RIMKLB: variants seen among roughly 807,000 people sequenced by gnomAD.
RIMKLB encodes ribosomal modification protein rimK like family member B, also known as beta-citrylglutamate synthase B.
Under a neutral mutation model 32.0 loss-of-function variants are expected in RIMKLB, and 7 were observed. That is an observed-to-expected ratio of 0.22 (90% CI 0.12 to 0.41). The LOEUF (loss-of-function observed/expected upper bound fraction) is 0.41. RIMKLB is among the 10% of genes least tolerant of loss of function. The pLI, the probability that RIMKLB is intolerant of heterozygous loss-of-function variation, is 1.00. For missense variants in RIMKLB, 289 were observed against 498.7 expected (o/e 0.58, Z 4.00); for synonymous variants, 172 against 185.1 (o/e 0.93, Z 0.57).
intron 5 of RIMKLB, among the ~76,000 whole-genome samples, chr12:8,768,515 T>C (rs1950156199): frequency 1.3e-5 from 2 of 152,232 alleles, no homozygotes; most frequent in South Asian, 4.1e-4. Flanking sequence ...ATATTATTAT[T>C]TTTAAAAAAC....
At chr12:8,749,732 C>G (rs1022169442) in intron 2 of RIMKLB, 130 bp from the exon 3 acceptor site, 1 of 633,094 alleles carries the variant, frequency 1.6e-6, no homozygotes, top group African/African-American at 1.8e-5. Flanking sequence ...TTAGGAGTAT[C>G]TCTATCCCAA....
At chr12:8,694,726 G>A (rs1349947099), upstream of RIMKLB, among the ~76,000 whole-genome samples, 1 of 152,156 alleles carries the variant, frequency 6.6e-6, no homozygotes, top group African/African-American at 2.4e-5. Context: ...CTAGGAATAA[G>A]AGCAAAAATC....
chr12:8,668,984 A>T, the RIMKLB span: 4 of 149,940 alleles, frequency 2.7e-5, no homozygotes, highest in East Asian at 7.8e-4. Flanking sequence ...ATATAAATTT[A>T]ATATATATAT....
intron 1 of RIMKLB, among the ~76,000 whole-genome samples, chr12:8,686,635 A>G (rs1036248974): frequency 2.0e-5 from 3 of 150,110 alleles, no homozygotes; most frequent in African/African-American, 5.0e-5. Flanking sequence ...GCCCGCCACC[A>G]CGCCCGGCTA....
At chr12:8,712,528 C>G (rs1357516566) in intron 1 of RIMKLB, among the ~76,000 whole-genome samples, 1 of 152,234 alleles carries the variant, frequency 6.6e-6, no homozygotes, top group Admixed American at 6.5e-5. Flanking sequence ...AGCTGAGTTA[C>G]TACCATAATC....
At chr12:8,713,617 T>G (rs771695629) in intron 1 of RIMKLB, 194 bp from the exon 2 acceptor site, 7 of 439,630 alleles carry the variant, frequency 1.6e-5, no homozygotes, top group African/African-American at 1.4e-4. Context: ...AAATCATATT[T>G]CTGAAGAGGT....
chr12:8,696,565 G>A (rs7299203), upstream of RIMKLB, among the ~76,000 whole-genome samples: 34,648 of 152,072 alleles, frequency 0.23, 4,168 homozygotes, highest in Non-Finnish European at 0.26. Context: ...TGAAGTAGGT[G>A]ACTATTTTTA....
Position 8,775,568 on chromosome 12 carries a change from A to AC in RIMKLB, c.*1785dup. On this transcript the variant is annotated 3_prime_UTR_variant, in exon 6 of 6. Coordinates refer to ENST00000535829, the MANE Select transcript of RIMKLB (RefSeq NM_001297776.2). ...ATGGACCTTAAACATAATTTCTTGG[A>AC]CACTACTAGAGAGACTTCGAGGCAA... 2 of 985,756 alleles carry AC rather than the reference A, an allele frequency of 2.0e-6. No homozygotes were observed. Among genetic ancestry groups the AC allele is most frequent in the South Asian group, 9.4e-5 (2 of 21,274 alleles). 61.1% of individuals were successfully genotyped at this position (985,756 alleles called of 1,614,324 possible).
intron 2 of RIMKLB, among the ~76,000 whole-genome samples, chr12:8,734,292 G>A (rs922192359): frequency 6.6e-6 from 1 of 152,184 alleles, no homozygotes; most frequent in African/African-American, 2.4e-5. Flanking sequence ...AACTAGGGGA[G>A]CAGTTCAAAG....
intron 2 of RIMKLB, among the ~76,000 whole-genome samples, chr12:8,748,336 T>C (rs1948289839): frequency 6.6e-6 from 1 of 152,168 alleles, no homozygotes; most frequent in African/African-American, 2.4e-5. Flanking sequence ...GTAATTGTTA[T>C]AATTGTCCAG....
intron 2 of RIMKLB, among the ~76,000 whole-genome samples, chr12:8,726,349 G>C (rs1946004103): frequency 6.6e-6 from 1 of 152,140 alleles, no homozygotes. Context: ...TATCTTCTTT[G>C]GTGTGGTGTC....
At chr12:8,739,922 T>A (rs1439191918) in intron 2 of RIMKLB, among the ~76,000 whole-genome samples, 5 of 152,206 alleles carry the variant, frequency 3.3e-5, no homozygotes, top group Non-Finnish European at 5.9e-5. Context: ...TTCTCTTTTT[T>A]TCCCAGACAG....
intron 5 of RIMKLB, among the ~76,000 whole-genome samples, chr12:8,765,733 C>A (rs1181289507): frequency 6.6e-6 from 1 of 152,040 alleles, no homozygotes; most frequent in African/African-American, 2.4e-5. Context: ...TGTCTATCTC[C>A]TTTTGGGTCC....
chr12:8,771,980 C>T (rs748034458), intron 5 of RIMKLB, among the ~76,000 whole-genome samples: 5 of 152,168 alleles, frequency 3.3e-5, no homozygotes, highest in Non-Finnish European at 7.4e-5. Context: ...CTTCCACCTC[C>T]TGGGTTCAAG....
upstream of RIMKLB, among the ~76,000 whole-genome samples, chr12:8,693,068 G>A (rs752154120): frequency 5.3e-4 from 81 of 152,150 alleles, no homozygotes; most frequent in Non-Finnish European, 7.6e-4. Context: ...TCAAATCCCC[G>A]CTAGTTTCCT....
chr12:8,692,724 G>C (rs1000945326), upstream of RIMKLB, among the ~76,000 whole-genome samples: 1 of 152,198 alleles, frequency 6.6e-6, no homozygotes, highest in Non-Finnish European at 1.5e-5. Context: ...GATGGAGCAG[G>C]GAAAAGGAGG....
chr12:8,676,101 C>T, the RIMKLB span, among the ~76,000 whole-genome samples: 1 of 152,052 alleles, frequency 6.6e-6, no homozygotes, highest in Non-Finnish European at 1.5e-5. Context: ...GAGACAGGGT[C>T]TCACTTTGTC....
At position 8,713,789 on chromosome 12, in the gene RIMKLB, G is replaced by A. The variant is rs770237473; in HGVS notation, c.-56-22G>A. On this transcript the variant is annotated intron_variant, in intron 1 of 5. Coordinates refer to ENST00000535829, the MANE Select transcript of RIMKLB (RefSeq NM_001297776.2). The stretch of plus-strand genomic sequence containing the variant: ...GTAGATTTCTTGATTTACCTTTTAT[G>A]TATATTTTTTCTTCCATCTAGGTAG... 5.2e-5 allele frequency: 70 copies of A among 1,351,598 alleles called. 1 individual carries two copies. The African/African-American group carries it at 7.7e-4, about 15-fold the overall frequency. 83.7% of individuals were successfully genotyped at this position (1,351,598 alleles called of 1,614,324 possible). A position where few individuals can be genotyped will look rare whatever the true frequency, so the allele number is the denominator to read the frequency against.
intron 2 of RIMKLB, among the ~76,000 whole-genome samples, chr12:8,740,206 A>G (rs1033751454): frequency 1.3e-5 from 2 of 152,180 alleles, no homozygotes; most frequent in Non-Finnish European, 2.9e-5. Flanking sequence ...ACACCCAGCC[A>G]TATTTGTATT....
Sources: gnomAD v4.1 joint callset for allele counts (sites outside exome capture counted in the v4.1 genomes callset) on GRCh38, gnomAD v4.1.1 for gene constraint, MANE v1.5 for transcripts, NCBI Gene and HGNC (gene_info 2026-07-23, HGNC 2026-07-21) for gene names.